SPATA13: variants seen among roughly 807,000 people sequenced by gnomAD.
SPATA13 encodes spermatogenesis associated 13.
A neutral mutation model predicts 104.0 loss-of-function variants in SPATA13; 50 were observed. The ratio of observed to expected loss-of-function variants is 0.48; its 90% confidence interval spans 0.38 to 0.61. The LOEUF (loss-of-function observed/expected upper bound fraction) is 0.61, where lower values mean the gene tolerates loss of function less well. SPATA13 is among the 20% of genes least tolerant of loss of function. The pLI, the probability that SPATA13 is intolerant of heterozygous loss-of-function variation, is 0.00. For missense variants in SPATA13, 1,524 were observed against 1,690.6 expected (o/e 0.90, Z 1.73); for synonymous variants, 606 against 667.5 (o/e 0.91, Z 1.42).
chr13:24,212,071 A>C (rs1566152783), intron 1 of SPATA13, among the ~76,000 whole-genome samples: 1 of 152,254 alleles, frequency 6.6e-6, no homozygotes, highest in African/African-American at 2.4e-5. Context: ...GGAAATATTT[A>C]CTGAATGAAT....
intron 4 of SPATA13, among the ~76,000 whole-genome samples, chr13:24,277,220 G>A (rs372595343): frequency 2.8e-4 from 43 of 152,146 alleles, no homozygotes; most frequent in African/African-American, 7.5e-4. Flanking sequence ...CGAGGCGGGC[G>A]GATCACAAGG....
chr13:24,159,140 TA>T (rs1319808843), upstream of SPATA13, among the ~76,000 whole-genome samples: 2 of 149,358 alleles, frequency 1.3e-5, no homozygotes, highest in Non-Finnish European at 3.0e-5. Flanking sequence ...TATTTTTTTT[TA>T]AATAATACTA....
At chr13:24,013,969 C>A (rs2137689600) in intron 2 of SPATA13, among the ~76,000 whole-genome samples, 1 of 152,222 alleles carries the variant, frequency 6.6e-6, no homozygotes, top group East Asian at 1.9e-4. Context: ...ACTCGATGTG[C>A]AAGTCTGGAG....
intron 3 of SPATA13, among the ~76,000 whole-genome samples, chr13:24,080,229 C>T (rs1257397586): frequency 6.6e-6 from 1 of 152,190 alleles, no homozygotes; most frequent in African/African-American, 2.4e-5. Context: ...GTCAAAACAG[C>T]AGCGCCTAGA....
chr13:24,052,515 T>C (rs1385267056), intron 3 of SPATA13, among the ~76,000 whole-genome samples: 4 of 151,176 alleles, frequency 2.6e-5, no homozygotes, highest in Non-Finnish European at 4.4e-5. Flanking sequence ...TTTAAACCCA[T>C]GATGTGAGAC....
intron 2 of SPATA13, among the ~76,000 whole-genome samples, chr13:24,244,332 G>T (rs1873002046): frequency 6.6e-6 from 1 of 152,160 alleles, no homozygotes; most frequent in Non-Finnish European, 1.5e-5. Flanking sequence ...CTTGCTATTT[G>T]ACTATACTTC....
intron 1 of SPATA13, among the ~76,000 whole-genome samples, chr13:24,197,067 A>G (rs754018648): frequency 6.6e-6 from 1 of 152,144 alleles, no homozygotes; most frequent in Non-Finnish European, 1.5e-5. Context: ...CCAAATAACA[A>G]CCAGAGGGCA....
chr13:24,040,327 G>A (rs1877870848), intron 3 of SPATA13, among the ~76,000 whole-genome samples: 1 of 152,176 alleles, frequency 6.6e-6, no homozygotes, highest in Admixed American at 6.5e-5. Context: ...GGAAATCAGT[G>A]GCTTGAGAAG....
chr13:24,227,962 A>G (rs1872040061), intron 2 of SPATA13, among the ~76,000 whole-genome samples: 2 of 151,758 alleles, frequency 1.3e-5, no homozygotes, highest in Non-Finnish European at 1.5e-5. Context: ...CTGGAGTGCA[A>G]TGGTGCATCC....
intron 1 of SPATA13, among the ~76,000 whole-genome samples, chr13:24,175,334 C>T (rs184156248): frequency 6.6e-6 from 1 of 152,092 alleles, no homozygotes; most frequent in Non-Finnish European, 1.5e-5. Flanking sequence ...AATCATAGTG[C>T]CTAGCAAACA....
intron 1 of SPATA13, among the ~76,000 whole-genome samples, chr13:24,170,280 C>T (rs1882913999): frequency 6.6e-6 from 1 of 152,198 alleles, no homozygotes; most frequent in Non-Finnish European, 1.5e-5. Context: ...AAATCAAACC[C>T]CACACAACAA....
rs558206780 is a variant in SPATA13 at position 24,003,572 on chromosome 13, T to C, written c.-146-14095T>C. The stretch of plus-strand genomic sequence containing the variant: ...CCTAGGATTTTAAAAGAAACAGAAC[T>C]AAGATTAGAACCTTCATCGTGTATT... On this transcript the variant is annotated intron_variant, in intron 2 of 14. Transcript: ENST00000424834. Among the ~76,000 whole-genome samples, 32 of 152,342 alleles carry C rather than the reference T, an allele frequency of 2.1e-4. 1 individual carries two copies. In the South Asian group the frequency reaches 6.4e-3, roughly 31 times the overall value.
At chr13:23,993,009 G>T (rs1446300771) in intron 2 of SPATA13, among the ~76,000 whole-genome samples, 1 of 152,220 alleles carries the variant, frequency 6.6e-6, no homozygotes, top group African/African-American at 2.4e-5. Context: ...TCACCAACAT[G>T]CTCTGGGCAT....
chr13:23,995,996 C>G (rs1298497056), intron 2 of SPATA13, among the ~76,000 whole-genome samples: 1 of 152,136 alleles, frequency 6.6e-6, no homozygotes, highest in African/African-American at 2.4e-5. Context: ...AGATATGGGA[C>G]CTGTGAGACA....
chr13:24,099,784 T>A (rs1191443276), intron 3 of SPATA13, among the ~76,000 whole-genome samples: 1 of 152,198 alleles, frequency 6.6e-6, no homozygotes, highest in Non-Finnish European at 1.5e-5. Context: ...TGGGTTTTTT[T>A]AAACAGATAA....
At chr13:24,137,173 C>G (rs1014710296) in intron 3 of SPATA13, among the ~76,000 whole-genome samples, 8 of 152,178 alleles carry the variant, frequency 5.3e-5, no homozygotes, top group Admixed American at 1.3e-4. Flanking sequence ...GCATTAGAGA[C>G]AGGTGTTGAC....
upstream of SPATA13, among the ~76,000 whole-genome samples, chr13:24,156,000 C>T (rs112524130): frequency 5.7e-3 from 864 of 152,220 alleles, 5 homozygotes; most frequent in African/African-American, 0.015. Flanking sequence ...TGTGTTGCAG[C>T]GTGTGTCGGA....
intron 3 of SPATA13, among the ~76,000 whole-genome samples, chr13:24,081,873 G>T (rs1201634994): frequency 6.6e-6 from 1 of 152,194 alleles, no homozygotes; most frequent in Non-Finnish European, 1.5e-5. Context: ...CACGCCCACA[G>T]ACAATGCTGG....
chr13:24,029,960 C>CT (rs1239499847), intron 3 of SPATA13, among the ~76,000 whole-genome samples: 1 of 151,976 alleles, frequency 6.6e-6, no homozygotes, highest in African/African-American at 2.4e-5. Flanking sequence ...TGATCTAATT[C>CT]TTTTTTACGG....
Sources: allele counts gnomAD v4.1 joint callset (sites outside exome capture counted in the v4.1 genomes callset), GRCh38; gene constraint gnomAD v4.1.1; transcripts MANE v1.5; gene names NCBI Gene and HGNC (gene_info 2026-07-23, HGNC 2026-07-21).